PLA2G7: variants seen among roughly 807,000 people sequenced by gnomAD.
The protein encoded by PLA2G7 is phospholipase A2 group VII, also known as platelet-activating factor acetylhydrolase.
A neutral mutation model predicts 49.6 loss-of-function variants in PLA2G7; 63 were observed. The ratio of observed to expected loss-of-function variants is 1.27; its 90% CI spans 1.04 to 1.57. The LOEUF (loss-of-function observed/expected upper bound fraction) is 1.57. Among genes scored for constraint, PLA2G7 ranks in the 40% most tolerant of loss-of-function variants. The pLI is 0.00. For missense variants in PLA2G7, 596 were observed against 521.2 expected (o/e 1.14, Z -1.40); for synonymous variants, 193 against 169.9 (o/e 1.14, Z -1.06).
At chr6:46,722,632 A>G in intron 2 of PLA2G7, 151 bp downstream of exon 2, 1 of 647,642 alleles carries the variant, frequency 1.5e-6, no homozygotes, top group Non-Finnish European at 2.8e-6. Context: ...GGAAAAAGTG[A>G]GAACCTCTCC....
chr6:46,710,407 G>C (rs1764971025), intron 8 of PLA2G7, 138 bp downstream of exon 8: 1 of 682,980 alleles, frequency 1.5e-6, no homozygotes, highest in African/African-American at 1.8e-5. Flanking sequence ...ACTGCTTTGT[G>C]TGTCTGTGTG....
chr6:46,704,466 T>A lies in PLA2G7; in HGVS notation c.*94A>T, dbSNP rs200274845. ...TTCTCTCTCTCTCTCTCTCTCTCTC[T>A]CTCTCTCTCTCTCACACACACACAC... On this transcript the variant is annotated 3_prime_UTR_variant, in exon 12 of 12. Coordinates refer to ENST00000274793, the MANE Select transcript of PLA2G7 (RefSeq NM_005084.4). The A allele has an allele frequency of 3.9e-6, 2 of 507,228 alleles. No homozygotes were observed. Among genetic ancestry groups the A allele is most frequent in the Admixed American group, 5.6e-5 (2 of 35,480 alleles). 31.4% of individuals were successfully genotyped at this position (507,228 alleles called of 1,614,324 possible). A position where few individuals can be genotyped will look rare whatever the true frequency, so the allele number is the denominator to read the frequency against.
intron 10 of PLA2G7, among the ~76,000 whole-genome samples, chr6:46,706,453 C>T (rs1764831051): frequency 6.6e-6 from 1 of 152,160 alleles, no homozygotes; most frequent in Admixed American, 6.5e-5. Flanking sequence ...GTATAAATGA[C>T]AGGAGAAGCA....
At chr6:46,728,555 A>C (rs45601531) in intron 1 of PLA2G7, among the ~76,000 whole-genome samples, 2,198 of 152,354 alleles carry the variant, frequency 0.014, 65 homozygotes, top group African/African-American at 0.05. Context: ...TAATTAGTTG[A>C]TTCTACTCAC....
At chr6:46,725,461 A>G (rs1582585111) in intron 1 of PLA2G7, among the ~76,000 whole-genome samples, 1 of 152,000 alleles carries the variant, frequency 6.6e-6, no homozygotes, top group Non-Finnish European at 1.5e-5. Context: ...TGATCTCCTG[A>G]CCTCATGATC....
intron 2 of PLA2G7, among the ~76,000 whole-genome samples, chr6:46,721,794 C>T (rs1006637522): frequency 6.6e-6 from 1 of 151,908 alleles, no homozygotes; most frequent in Non-Finnish European, 1.5e-5. Context: ...TCTCCTAATG[C>T]ATTCATTTTC....
At chr6:46,731,067 G>A (rs1041462548) in intron 1 of PLA2G7, among the ~76,000 whole-genome samples, 1 of 152,192 alleles carries the variant, frequency 6.6e-6, no homozygotes, top group African/African-American at 2.4e-5. Context: ...AAATGAGGAA[G>A]AGCTTTTTTT....
chr6:46,711,715 T>C, intron 6 of PLA2G7, 96 bp from the exon 7 acceptor site: 1 of 1,197,800 alleles, frequency 8.3e-7, no homozygotes, highest in Non-Finnish European at 1.2e-6. Flanking sequence ...CTTCCTCTGA[T>C]CTTTTGACTT....
chr6:46,727,028 C>T (rs1765593659), intron 1 of PLA2G7, among the ~76,000 whole-genome samples: 1 of 152,122 alleles, frequency 6.6e-6, no homozygotes, highest in African/African-American at 2.4e-5. Context: ...GGCCCCTTGA[C>T]CACTAGATAA....
At chr6:46,723,798 C>T (rs1765480893) in intron 1 of PLA2G7, among the ~76,000 whole-genome samples, 1 of 152,138 alleles carries the variant, frequency 6.6e-6, no homozygotes, top group African/African-American at 2.4e-5. Context: ...GATTGTGTCA[C>T]CCTTCTGCAC....
At chr6:46,720,669 A>T (rs1366348900) in intron 2 of PLA2G7, among the ~76,000 whole-genome samples, 1 of 152,208 alleles carries the variant, frequency 6.6e-6, no homozygotes, top group Non-Finnish European at 1.5e-5. Context: ...CCACTCACAC[A>T]GTTTTGTGGT....
chr6:46,705,386 T>G (rs1232998311), intron 10 of PLA2G7, 85 bp from the exon 11 acceptor site: 1 of 1,100,962 alleles, frequency 9.1e-7, no homozygotes, highest in African/African-American at 1.6e-5. Flanking sequence ...GGTACTGGTC[T>G]TGTTGGTCTG....
chr6:46,719,741 G>A (rs1045420609), intron 2 of PLA2G7, among the ~76,000 whole-genome samples: 11 of 152,160 alleles, frequency 7.2e-5, no homozygotes, highest in Non-Finnish European at 1.2e-4. Flanking sequence ...GTAAAGATGA[G>A]GTGAGAATGT....
intron 11 of PLA2G7, 69 bp from the exon 12 acceptor site, chr6:46,704,765 G>A: frequency 1.0e-6 from 1 of 954,658 alleles, no homozygotes; most frequent in Non-Finnish European, 1.7e-6. Context: ...GTGCCCCTAG[G>A]TGGCAATAAA....
At position 46,710,533 on chromosome 6, in the gene PLA2G7, T is replaced by G. The variant is rs1383911355; in HGVS notation, c.777+12A>C. On this transcript the variant is annotated intron_variant, in intron 8 of 11. Transcript: ENST00000274793. ...CTGTAGGACAAGAGAAAAATTACTT[T>G]TTATAGCTTACCTTCAGTTGTTCCA... is the stretch of plus-strand genomic sequence containing the variant. 4.6e-6 allele frequency: 7 copies of G among 1,518,896 alleles called. No homozygotes were observed. In the African/African-American group the frequency reaches 8.2e-5, roughly 18 times the overall value. The allele number at this position is 1,518,896 out of a possible 1,614,324, so 94.1% of individuals were successfully genotyped here.
At chr6:46,730,489 T>C (rs1021674546) in intron 1 of PLA2G7, among the ~76,000 whole-genome samples, 1 of 152,186 alleles carries the variant, frequency 6.6e-6, no homozygotes, top group East Asian at 1.9e-4. Flanking sequence ...ATCAAAAGTC[T>C]ACAAGGGCCA....
intron 1 of PLA2G7, among the ~76,000 whole-genome samples, chr6:46,729,824 G>C (rs1275654989): frequency 6.6e-6 from 1 of 152,232 alleles, no homozygotes; most frequent in African/African-American, 2.4e-5. Context: ...GACATTGCCA[G>C]ATGTCCCCTG....
At position 46,704,282 on chromosome 6, in the gene PLA2G7, G is replaced by T. The variant is rs978064120; in HGVS notation, c.*278C>A. On this transcript the variant is annotated 3_prime_UTR_variant, in exon 12 of 12. Transcript: ENST00000274793. ...CAGTTTTTAACTTCGACACTGAAAA[G>T]GAATCATCTTTAAAATTAAAATTTA... 5 of 331,872 alleles carry T rather than the reference G, an allele frequency of 1.5e-5. No homozygotes were observed. The highest frequency in any genetic ancestry group is 2.8e-5 in the Non-Finnish European group (5 of 178,138). 20.6% of individuals were successfully genotyped at this position (331,872 alleles called of 1,614,324 possible).
chr6:46,732,779 C>T (rs1345276899), intron 1 of PLA2G7, among the ~76,000 whole-genome samples: 3 of 152,114 alleles, frequency 2.0e-5, no homozygotes, highest in Non-Finnish European at 4.4e-5. Context: ...AGTGAGGGCA[C>T]ATAATGTGTC....
Sources: allele counts gnomAD v4.1 joint callset (sites outside exome capture counted in the v4.1 genomes callset), GRCh38; gene constraint gnomAD v4.1.1; transcripts MANE v1.5; gene names NCBI Gene and HGNC (gene_info 2026-07-23, HGNC 2026-07-21).